The following DMD variants were observed in gnomAD, a reference collection of about 807,000 sequenced individuals.
The protein encoded by DMD is dystrophin.
In DMD, 63 loss-of-function variants were observed where a neutral mutation model predicts 330.1. The ratio of observed to expected loss-of-function variants is 0.19; its 90% confidence interval spans 0.16 to 0.24. The LOEUF (loss-of-function observed/expected upper bound fraction) is 0.24. Among genes scored for constraint, DMD ranks in the 10% least tolerant of loss-of-function variants. The probability of loss-of-function intolerance (pLI) is 1.00; values close to 1 mark genes in which losing one functional copy is unlikely to be tolerated. For missense variants in DMD, 3,344 were observed against 2,684.1 expected (o/e 1.25, Z -5.43); for synonymous variants, 1,223 against 959.8 (o/e 1.27, Z -5.07).
At chrX:32,963,426 T>C (rs1474678751) in intron 2 of DMD, among the ~76,000 whole-genome samples, 2 of 111,959 alleles carry the variant, frequency 1.8e-5, no homozygotes, top group Non-Finnish European at 3.8e-5. Context: ...ATGATGCCAA[T>C]GCTAGGCATC....
intron 1 of DMD, among the ~76,000 whole-genome samples, chrX:33,236,930 C>G (rs767320312): frequency 1.8e-5 from 2 of 110,719 alleles, no homozygotes; most frequent in Non-Finnish European, 3.8e-5. Flanking sequence ...CAGCTCATTC[C>G]CCATCCAACT....
chrX:32,662,917 T>C (rs1225336919), intron 9 of DMD, among the ~76,000 whole-genome samples: 1 of 112,175 alleles, frequency 8.9e-6, no homozygotes. Context: ...CTCTGTACTG[T>C]CAAAAATATT....
At chrX:32,476,786 G>C (rs1419748273) in intron 21 of DMD, among the ~76,000 whole-genome samples, 2 of 111,583 alleles carry the variant, frequency 1.8e-5, no homozygotes, top group Non-Finnish European at 3.8e-5. Flanking sequence ...CCTACTAGCT[G>C]GTGAGATATC....
At chrX:32,055,549 T>A (rs1603623514) in intron 44 of DMD, among the ~76,000 whole-genome samples, 1 of 111,360 alleles carries the variant, frequency 9.0e-6, no homozygotes, top group East Asian at 2.9e-4. Context: ...AAATGACCAA[T>A]GTTTGAGATA....
chrX:33,238,488 TC>T (rs2052526153), intron 1 of DMD, among the ~76,000 whole-genome samples: 1 of 111,150 alleles, frequency 9.0e-6, no homozygotes, highest in African/African-American at 3.3e-5. Context: ...GCACCCTCTC[TC>T]CCCCCTGTTT....
rs889967679 is a variant in DMD at position 31,146,837 on chromosome X, G to C, written c.10798-423C>G. Among the ~76,000 whole-genome samples, 6 of 111,870 alleles carry C rather than the reference G, an allele frequency of 5.4e-5. No individual in the cohort carries two copies. The Admixed American group carries it at 5.7e-4, about 11-fold the overall frequency. ...AGAAAGCCAGAACTATGTCCAGGTA[G>C]GTCCTCTTACAATGCAGTATCTTGC... On this transcript the variant is annotated intron_variant, in intron 75 of 78. Coordinates refer to ENST00000357033, the MANE Select transcript of DMD (RefSeq NM_004006.3).
chrX:32,243,902 T>G (rs1323523758), intron 43 of DMD, among the ~76,000 whole-genome samples: 1 of 110,984 alleles, frequency 9.0e-6, no homozygotes, highest in Non-Finnish European at 1.9e-5. Context: ...TTGTTTTCTC[T>G]TTGAAAATAA....
At chrX:32,186,680 T>C (rs2096949178) in intron 44 of DMD, among the ~76,000 whole-genome samples, 1 of 111,411 alleles carries the variant, frequency 9.0e-6, no homozygotes, top group African/African-American at 3.3e-5. Context: ...TGTTGAATGC[T>C]AGATTGCTGT....
intron 1 of DMD, among the ~76,000 whole-genome samples, chrX:33,232,941 G>A (rs1450593484): frequency 9.0e-6 from 1 of 111,396 alleles, no homozygotes; most frequent in Non-Finnish European, 1.9e-5. Flanking sequence ...GGGTCCTACC[G>A]GGAAAAGAAA....
At chrX:32,047,613 T>C (rs2096073125) in intron 44 of DMD, among the ~76,000 whole-genome samples, 1 of 111,907 alleles carries the variant, frequency 8.9e-6, no homozygotes. Context: ...CCTTGTCCCT[T>C]GCCTGTGATT....
At chrX:32,931,125 T>C (rs2089555179) in intron 2 of DMD, among the ~76,000 whole-genome samples, 1 of 109,833 alleles carries the variant, frequency 9.1e-6, no homozygotes. Context: ...TATGGATTCA[T>C]ATAGGTTTGT....
intron 44 of DMD, among the ~76,000 whole-genome samples, chrX:32,185,931 C>A (rs2096944218): frequency 9.1e-6 from 1 of 110,344 alleles, no homozygotes; most frequent in Non-Finnish European, 1.9e-5. Flanking sequence ...TTGCACAGTT[C>A]CCCTTTTTCT....
chrX:31,295,146 C>T (rs778916488), intron 62 of DMD, among the ~76,000 whole-genome samples: 43 of 109,920 alleles, frequency 3.9e-4, no homozygotes, highest in Non-Finnish European at 7.6e-4. Flanking sequence ...CAGGCGTCCA[C>T]CACCACACCT....
intron 44 of DMD, among the ~76,000 whole-genome samples, chrX:32,076,410 C>T (rs2096351350): frequency 9.9e-6 from 1 of 100,865 alleles, no homozygotes; most frequent in Non-Finnish European, 2.0e-5. Context: ...GACAGAGTCT[C>T]GCTCTGTCAC....
intron 51 of DMD, among the ~76,000 whole-genome samples, chrX:31,757,303 C>T (rs1404285836): frequency 9.0e-6 from 1 of 111,376 alleles, no homozygotes; most frequent in Non-Finnish European, 1.9e-5. Context: ...TTTTTTCCTG[C>T]TAGTCCCTAT....
At chrX:32,359,473 C>G (rs2097822571) in intron 37 of DMD, among the ~76,000 whole-genome samples, 1 of 111,224 alleles carries the variant, frequency 9.0e-6, no homozygotes, top group Non-Finnish European at 1.9e-5. Flanking sequence ...GTTACTCTTC[C>G]ATGAAACTTA....
At chrX:33,046,949 T>G (rs1013918767) in intron 1 of DMD, among the ~76,000 whole-genome samples, 10 of 112,324 alleles carry the variant, frequency 8.9e-5, no homozygotes, top group Non-Finnish European at 1.7e-4. Context: ...GAATATAGTT[T>G]GTCAAGGTAA....
intron 1 of DMD, among the ~76,000 whole-genome samples, chrX:33,121,217 C>T (rs1024483805): frequency 9.2e-6 from 1 of 108,766 alleles, no homozygotes; most frequent in Non-Finnish European, 1.9e-5. Context: ...ATAATTTTGA[C>T]TCAATTTATC....
intron 54 of DMD, among the ~76,000 whole-genome samples, chrX:31,636,135 T>C (rs373222204): frequency 9.0e-6 from 1 of 111,368 alleles, no homozygotes; most frequent in East Asian, 2.8e-4. Flanking sequence ...TAGTGGGAGC[T>C]AAATGATGAG....
Sources: gnomAD v4.1 joint callset for allele counts (sites outside exome capture counted in the v4.1 genomes callset) on GRCh38, gnomAD v4.1.1 for gene constraint, MANE v1.5 for transcripts, NCBI Gene and HGNC (gene_info 2026-07-23, HGNC 2026-07-21) for gene names.